ENPP6: variants seen among roughly 807,000 people sequenced by gnomAD.
ENPP6 encodes glycerophosphocholine cholinephosphodiesterase ENPP6.
Under a neutral mutation model 42.0 loss-of-function variants are expected in ENPP6, and 32 were observed. The observed-to-expected ratio is 0.76, with a 90% CI of 0.58 to 1.02. The LOEUF (loss-of-function observed/expected upper bound fraction) is 1.02. ENPP6 is among the 50% of genes least tolerant of loss of function. ENPP6 has a pLI of 0.00. For synonymous variants in ENPP6, 213 were observed against 216.0 expected, an observed-to-expected ratio of 0.99 and a Z score of 0.12; for missense variants, 552 against 566.8, an observed-to-expected ratio of 0.97 and a Z score of 0.27.
intron 1 of ENPP6, among the ~76,000 whole-genome samples, chr4:184,162,437 T>G (rs568143595): frequency 6.6e-6 from 1 of 152,330 alleles, no homozygotes; most frequent in South Asian, 2.1e-4. Flanking sequence ...AATAATCTAT[T>G]AAATGGGAGA....
intron 1 of ENPP6, among the ~76,000 whole-genome samples, chr4:184,171,482 G>A (rs1222171277): frequency 1.3e-5 from 2 of 152,256 alleles, no homozygotes; most frequent in Non-Finnish European, 2.9e-5. Flanking sequence ...ATGGGGGAAT[G>A]TCAATGTCAC....
At chr4:184,094,648 A>AT (rs1296207737) in intron 7 of ENPP6, among the ~76,000 whole-genome samples, 1 of 152,212 alleles carries the variant, frequency 6.6e-6, no homozygotes, top group African/African-American at 2.4e-5. Context: ...GCGTGTTTAC[A>AT]TTTTTTTGGA....
chr4:184,117,611 G>T, intron 4 of ENPP6, 148 bp downstream of exon 4: 1 of 1,155,508 alleles, frequency 8.7e-7, no homozygotes, highest in Admixed American at 2.2e-5. Context: ...AGGAGGCATT[G>T]TGTGAAGCCA....
chr4:184,108,026 C>T (rs921868415), intron 6 of ENPP6, among the ~76,000 whole-genome samples: 7 of 152,124 alleles, frequency 4.6e-5, no homozygotes, highest in Non-Finnish European at 1.0e-4. Context: ...TTAGTGCAGC[C>T]GCCTTAGAGT....
At chr4:184,105,455 C>T (rs1434601456) in intron 6 of ENPP6, among the ~76,000 whole-genome samples, 1 of 152,178 alleles carries the variant, frequency 6.6e-6, no homozygotes, top group Non-Finnish European at 1.5e-5. Context: ...ATGTTTAGAA[C>T]ATCTTAGAAG....
chr4:184,194,121 G>C (rs17075430), intron 1 of ENPP6, among the ~76,000 whole-genome samples: 3,607 of 152,152 alleles, frequency 0.024, 140 homozygotes, highest in African/African-American at 0.083. Context: ...TTACCATCAT[G>C]GTCCCTCATC....
At chr4:184,117,715 G>A in intron 4 of ENPP6, 44 bp downstream of exon 4, 3 of 1,605,896 alleles carry the variant, frequency 1.9e-6, no homozygotes, top group South Asian at 2.2e-5. Flanking sequence ...CAAACAGAGG[G>A]TGACAGAGAG....
chr4:184,217,572 T>A lies in ENPP6; in HGVS notation c.241+7A>T. 1 of 1,614,148 alleles carries A rather than the reference T, an allele frequency of 6.2e-7. No homozygotes were observed. The highest frequency in any genetic ancestry group is 8.5e-7 in the Non-Finnish European group (1 of 1,180,010). The stretch of plus-strand genomic sequence containing the variant: ...CCTCCCTGCCCAGAAGAGGACATGG[T>A]ACTCACCAGTCATTAGGGTATAATA... On this transcript the variant is annotated splice_region_variant and intron_variant, in intron 1 of 7. Coordinates refer to ENST00000296741, the MANE Select transcript of ENPP6 (RefSeq NM_153343.4).
At chr4:184,198,873 T>C (rs749133377) in intron 1 of ENPP6, among the ~76,000 whole-genome samples, 1 of 152,208 alleles carries the variant, frequency 6.6e-6, no homozygotes, top group Non-Finnish European at 1.5e-5. Context: ...CCAGTTGCCA[T>C]CCAGATAGGT....
At chr4:184,115,087 T>C (rs1471267062) in intron 5 of ENPP6, among the ~76,000 whole-genome samples, 2 of 152,190 alleles carry the variant, frequency 1.3e-5, no homozygotes, top group African/African-American at 4.8e-5. Context: ...GGAGGATGCA[T>C]TTGCAGAAGG....
At chr4:184,135,081 C>T (rs1736710762) in intron 2 of ENPP6, among the ~76,000 whole-genome samples, 1 of 151,836 alleles carries the variant, frequency 6.6e-6, no homozygotes, top group South Asian at 2.1e-4. Flanking sequence ...GATTTCAGAC[C>T]TTTTCAATTT....
In ENPP6 at chr4:184,089,746, C is replaced by T. The variant is rs1735755548; in HGVS notation, c.*1431G>A. On this transcript the variant is annotated 3_prime_UTR_variant, in exon 8 of 8. Coordinates refer to ENST00000296741, the MANE Select transcript of ENPP6 (RefSeq NM_153343.4). ...AAGGGTTCGTTTGTCCCTCCTTGGC[C>T]TCCGAAAGTGTTGGGATTATAGGTG... 1 of 152,186 alleles carries T rather than the reference C, an allele frequency of 6.6e-6. No individual in the cohort carries two copies. The highest frequency in any genetic ancestry group is 1.5e-5 in the Non-Finnish European group (1 of 68,086). The allele number at this position is 152,186 out of a possible 1,614,324, so 9.4% of individuals were successfully genotyped here.
intron 7 of ENPP6, among the ~76,000 whole-genome samples, chr4:184,094,289 A>G (rs1488302626): frequency 1.3e-5 from 2 of 152,292 alleles, no homozygotes; most frequent in East Asian, 3.9e-4. Context: ...AAACAAAACA[A>G]AACAAAAATC....
chr4:184,133,356 AG>A (rs1363834575), intron 2 of ENPP6, among the ~76,000 whole-genome samples: 12 of 152,172 alleles, frequency 7.9e-5, no homozygotes, highest in Non-Finnish European at 4.4e-5. Context: ...CATTTTTATT[AG>A]ATTTATTCTT....
intron 1 of ENPP6, among the ~76,000 whole-genome samples, chr4:184,155,625 G>A (rs1737144794): frequency 1.3e-5 from 2 of 152,200 alleles, no homozygotes; most frequent in South Asian, 2.1e-4. Flanking sequence ...GAGAGATGCC[G>A]AGGGAGAGGG....
In ENPP6 at chr4:184,205,582, C is replaced by T. The variant is rs577661706; in HGVS notation, c.241+11997G>A. ...ATTCCACTTGGGGTACAACAGAACC[C>T]GCTGGAGGGTTTGAACAGAGGAGTG... On this transcript the variant is annotated intron_variant, in intron 1 of 7. Transcript: ENST00000296741. 5.9e-5 allele frequency among the ~76,000 whole-genome samples: 9 copies of T among 152,372 alleles called. 1 individual carries two copies. In the East Asian group the frequency reaches 1.5e-3, roughly 26 times the overall value.
intron 2 of ENPP6, among the ~76,000 whole-genome samples, chr4:184,134,611 TTC>T (rs1398770446): frequency 2.6e-5 from 4 of 152,088 alleles, no homozygotes; most frequent in Admixed American, 1.3e-4. Flanking sequence ...TATTTGTGTC[TTC>T]TCTCTTTATT....
chr4:184,121,439 C>A (rs1237240805), intron 3 of ENPP6, among the ~76,000 whole-genome samples: 1 of 152,190 alleles, frequency 6.6e-6, no homozygotes, highest in East Asian at 1.9e-4. Context: ...ATTCTCTCTG[C>A]CTCTCAAGTT....
At chr4:184,133,811 T>C (rs1206831664) in intron 2 of ENPP6, among the ~76,000 whole-genome samples, 1 of 152,084 alleles carries the variant, frequency 6.6e-6, no homozygotes, top group Non-Finnish European at 1.5e-5. Flanking sequence ...TTCATGTATC[T>C]ACTGAAATGA....
Sources: allele counts gnomAD v4.1 joint callset (sites outside exome capture counted in the v4.1 genomes callset), GRCh38; gene constraint gnomAD v4.1.1; transcripts MANE v1.5; gene names NCBI Gene and HGNC (gene_info 2026-07-23, HGNC 2026-07-21).